The following COG5 variants were observed in gnomAD, a reference collection of about 807,000 sequenced individuals.
COG5 encodes conserved oligomeric Golgi complex subunit 5.
A neutral mutation model predicts 110.4 loss-of-function variants in COG5; 86 were observed. The ratio of observed to expected loss-of-function variants is 0.78; its 90% CI spans 0.65 to 0.93. COG5 has a LOEUF of 0.93. COG5 is among the 40% of genes least tolerant of loss of function. The pLI is 0.00. For missense variants in COG5, 1,077 were observed against 987.0 expected, an observed-to-expected ratio of 1.09 and a Z score of -1.22; for synonymous variants, 360 against 334.6, an observed-to-expected ratio of 1.08 and a Z score of -0.83.
At chr7:107,341,311 C>G (rs1414940078) in intron 10 of COG5, among the ~76,000 whole-genome samples, 1 of 152,038 alleles carries the variant, frequency 6.6e-6, no homozygotes, top group Non-Finnish European at 1.5e-5. Flanking sequence ...CCTAGGAATA[C>G]ATCTAACCAT....
intron 6 of COG5, among the ~76,000 whole-genome samples, chr7:107,495,508 C>T (rs1306324058): frequency 6.6e-6 from 1 of 151,994 alleles, no homozygotes; most frequent in African/African-American, 2.4e-5. Context: ...AATGTACTAT[C>T]CATAATGTCT....
At chr7:107,298,962 G>T (rs1004166033) in intron 11 of COG5, among the ~76,000 whole-genome samples, 1 of 152,000 alleles carries the variant, frequency 6.6e-6, no homozygotes, top group Non-Finnish European at 1.5e-5. Context: ...AAATCAAAAG[G>T]GAAATGAGAA....
At chr7:107,308,609 T>A (rs575636429) in intron 11 of COG5, among the ~76,000 whole-genome samples, 37 of 152,220 alleles carry the variant, frequency 2.4e-4, no homozygotes, top group African/African-American at 8.4e-4. Context: ...TAAATAGAAA[T>A]TTATCTCATG....
chr7:107,554,243 G>A (rs752872365), intron 3 of COG5, 42 bp downstream of exon 3: 1 of 1,568,890 alleles, frequency 6.4e-7, no homozygotes, highest in Non-Finnish European at 8.8e-7. Flanking sequence ...GCCAATCCCT[G>A]GTCTAGCTCT....
At chr7:107,274,166 T>C (rs1804501256) in intron 14 of COG5, among the ~76,000 whole-genome samples, 1 of 152,108 alleles carries the variant, frequency 6.6e-6, no homozygotes, top group Non-Finnish European at 1.5e-5. Flanking sequence ...GTGGTGGAGT[T>C]GCCTGTAGTC....
rs536132200 is a variant in COG5 at position 107,370,722 on chromosome 7, G to A, written c.835+1873C>T. Among the ~76,000 whole-genome samples, 11 of 149,684 alleles carry A rather than the reference G, an allele frequency of 7.3e-5. No individual in the cohort carries two copies. The East Asian group carries it at 2.2e-3, about 29-fold the overall frequency. ...AATTGCTTAAACCCAGGCACCAGAG[G>A]TTGCAGTGAGCTAAGATCGTGCAAT... On this transcript the variant is annotated intron_variant, in intron 8 of 21. Coordinates refer to ENST00000297135, the MANE Select transcript of COG5 (RefSeq NM_006348.5).
intron 6 of COG5, among the ~76,000 whole-genome samples, chr7:107,507,544 T>G (rs1799119716): frequency 6.6e-6 from 1 of 150,664 alleles, no homozygotes; most frequent in Non-Finnish European, 1.5e-5. Flanking sequence ...CCAGACCTCG[T>G]GATCCACCCG....
chr7:107,550,848 A>G (rs1041368760), intron 3 of COG5, among the ~76,000 whole-genome samples: 1 of 149,506 alleles, frequency 6.7e-6, no homozygotes, highest in Non-Finnish European at 1.5e-5. Flanking sequence ...TGGGGTTACA[A>G]GCATGATCCA....
intron 7 of COG5, among the ~76,000 whole-genome samples, chr7:107,373,917 A>T (rs1302405667): frequency 6.6e-6 from 1 of 152,182 alleles, no homozygotes; most frequent in Non-Finnish European, 1.5e-5. Context: ...TAATAATAGT[A>T]CATGCTGCAG....
intron 11 of COG5, among the ~76,000 whole-genome samples, chr7:107,317,854 A>G (rs1808893255): frequency 6.6e-6 from 1 of 152,198 alleles, no homozygotes; most frequent in Non-Finnish European, 1.5e-5. Context: ...GGGCATTTCC[A>G]TCCCGGTCTT....
intron 8 of COG5, among the ~76,000 whole-genome samples, chr7:107,366,627 G>A (rs914878260): frequency 1.3e-5 from 2 of 152,124 alleles, no homozygotes; most frequent in African/African-American, 4.8e-5. Context: ...GTCAGGTAGT[G>A]TGGGATAAAA....
chr7:107,314,509 C>T (rs979471751), intron 11 of COG5, among the ~76,000 whole-genome samples: 2 of 148,592 alleles, frequency 1.3e-5, no homozygotes, highest in Non-Finnish European at 3.0e-5. Flanking sequence ...TTTGGGAGGC[C>T]GAGGCGGGCA....
At chr7:107,513,791 T>A (rs904483035) in intron 6 of COG5, among the ~76,000 whole-genome samples, 1 of 151,644 alleles carries the variant, frequency 6.6e-6, no homozygotes, top group Non-Finnish European at 1.5e-5. Flanking sequence ...AGCAAACTAT[T>A]GCAAGGACAA....
chr7:107,228,654 C>T (rs1392033787), intron 19 of COG5, among the ~76,000 whole-genome samples: 2 of 151,906 alleles, frequency 1.3e-5, no homozygotes, highest in African/African-American at 4.8e-5. Flanking sequence ...TGAGCTGATA[C>T]AAAGAAGGTA....
chr7:107,483,928 TA>T (rs1226943300), intron 6 of COG5, among the ~76,000 whole-genome samples: 1 of 151,448 alleles, frequency 6.6e-6, no homozygotes, highest in Non-Finnish European at 1.5e-5. Context: ...ACAAATTCAG[TA>T]AGATCCTCCA....
intron 14 of COG5, among the ~76,000 whole-genome samples, chr7:107,259,929 C>G (rs575603528): frequency 6.6e-6 from 1 of 151,900 alleles, no homozygotes; most frequent in Admixed American, 6.6e-5. Context: ...CAGGTAATAA[C>G]AAATGCTGGC....
At chr7:107,499,078 A>G (rs899389449) in intron 6 of COG5, among the ~76,000 whole-genome samples, 2 of 152,176 alleles carry the variant, frequency 1.3e-5, no homozygotes, top group Non-Finnish European at 2.9e-5. Context: ...TTCCACTGAC[A>G]TAAGGTATCT....
chr7:107,525,803 C>T (rs1800690372), intron 6 of COG5, among the ~76,000 whole-genome samples: 1 of 152,102 alleles, frequency 6.6e-6, no homozygotes, highest in Non-Finnish European at 1.5e-5. Flanking sequence ...AGGCTGGTCT[C>T]AAACTCCTGG....
intron 16 of COG5, among the ~76,000 whole-genome samples, chr7:107,256,338 C>A (rs1802878250): frequency 6.6e-6 from 1 of 152,046 alleles, no homozygotes. Flanking sequence ...CACTAGATGC[C>A]AGTAGCATCT....
Sources: gnomAD v4.1 joint callset for allele counts (sites outside exome capture counted in the v4.1 genomes callset) on GRCh38, gnomAD v4.1.1 for gene constraint, MANE v1.5 for transcripts, NCBI Gene and HGNC (gene_info 2026-07-23, HGNC 2026-07-21) for gene names.